The following TANGO6 variants were observed in gnomAD, a reference collection of about 807,000 sequenced individuals.
TANGO6 encodes transport and golgi organization 6 homolog.
TANGO6 carries 90 observed loss-of-function variants against 114.2 expected under a neutral mutation model. That is an observed-to-expected ratio of 0.79 (90% confidence interval 0.66 to 0.94). The LOEUF (loss-of-function observed/expected upper bound fraction) is 0.94. TANGO6 is among the 40% of genes least tolerant of loss of function. TANGO6 has a pLI of 0.00. For synonymous variants in TANGO6, 477 were observed against 509.8 expected, an observed-to-expected ratio of 0.94 and a Z score of 0.87; for missense variants, 1,274 against 1,315.3, an observed-to-expected ratio of 0.97 and a Z score of 0.49.
rs193177402 is a variant in TANGO6 at position 69,041,304 on chromosome 16, G to T, written c.3108+883G>T. 2.5e-4 allele frequency among the ~76,000 whole-genome samples: 38 copies of T among 152,212 alleles called. 1 individual carries two copies. Among genetic ancestry groups the T allele is most frequent in the Non-Finnish European group, 4.4e-5 (3 of 68,026 alleles). On this transcript the variant is annotated intron_variant, in intron 17 of 17. Transcript: ENST00000261778. Reference sequence around the variant, plus strand: ...TCTACTAAAAATACAAAATTAGCCAGGTGTGGTGGCGCATGCCTGTAATCC... The same window carrying T: ...TCTACTAAAAATACAAAATTAGCCATGTGTGGTGGCGCATGCCTGTAATCC...
chr16:68,848,298 T>C (rs923958417), intron 1 of TANGO6, among the ~76,000 whole-genome samples: 1 of 152,124 alleles, frequency 6.6e-6, no homozygotes, highest in Non-Finnish European at 1.5e-5. Context: ...AAAATAGAAG[T>C]AATGTTTTTA....
At chr16:68,912,210 C>T (rs534073229) in intron 11 of TANGO6, among the ~76,000 whole-genome samples, 80 of 152,280 alleles carry the variant, frequency 5.3e-4, no homozygotes, top group Non-Finnish European at 9.1e-4. Flanking sequence ...TAGAAAATTA[C>T]GTCTTGGCAG....
At chr16:69,079,891 A>C (rs1013718038) in intron 17 of TANGO6, among the ~76,000 whole-genome samples, 1 of 152,192 alleles carries the variant, frequency 6.6e-6, no homozygotes, top group African/African-American at 2.4e-5. Flanking sequence ...TGTCCTACAG[A>C]TATACTTGTA....
intron 15 of TANGO6, among the ~76,000 whole-genome samples, chr16:69,004,188 C>A (rs1414407062): frequency 6.6e-6 from 1 of 151,466 alleles, no homozygotes; most frequent in Non-Finnish European, 1.5e-5. Flanking sequence ...AATTTGTTAC[C>A]CTGTAAACAA....
intron 16 of TANGO6, among the ~76,000 whole-genome samples, chr16:69,028,411 C>T (rs1427608437): frequency 6.6e-6 from 1 of 152,046 alleles, no homozygotes; most frequent in African/African-American, 2.4e-5. Context: ...AGGCAGATCA[C>T]CTGAGGTCGG....
chr16:68,945,309 G>T (rs1187483317), intron 14 of TANGO6, among the ~76,000 whole-genome samples: 1 of 152,150 alleles, frequency 6.6e-6, no homozygotes, highest in Non-Finnish European at 1.5e-5. Flanking sequence ...GTTGCAGCAA[G>T]TTTGTTTCAG....
At chr16:69,061,247 G>A (rs549089077) in intron 17 of TANGO6, among the ~76,000 whole-genome samples, 1 of 152,138 alleles carries the variant, frequency 6.6e-6, no homozygotes, top group South Asian at 2.1e-4. Flanking sequence ...ACTGATGTTC[G>A]GCTAGAATCA....
intron 17 of TANGO6, among the ~76,000 whole-genome samples, chr16:69,043,668 G>C (rs1349080929): frequency 6.6e-6 from 1 of 152,122 alleles, no homozygotes; most frequent in Non-Finnish European, 1.5e-5. Context: ...TATAATCAGG[G>C]GCACTTTAAT....
chr16:68,848,032 TCTTACA>T (rs1207212598), intron 1 of TANGO6, among the ~76,000 whole-genome samples: 2 of 151,832 alleles, frequency 1.3e-5, no homozygotes, highest in Non-Finnish European at 2.9e-5. Context: ...ATTGCAAATT[TCTTACA>T]CTTCTGTTCT....
chr16:69,054,940 CAAAAAAAAAAAA>C, intron 17 of TANGO6, among the ~76,000 whole-genome samples: 1 of 68,904 alleles, frequency 1.5e-5, no homozygotes, highest in African/African-American at 6.0e-5. Context: ...GACTCCGTCT[CAAAAAAAAAAAA>C]AAAAAAAAAA....
At chr16:68,874,973 TAAG>T (rs1962332183) in intron 4 of TANGO6, among the ~76,000 whole-genome samples, 178 bp from the exon 5 acceptor site, 1 of 151,544 alleles carries the variant, frequency 6.6e-6, no homozygotes, top group South Asian at 2.1e-4. Context: ...AATAAATAAA[TAAG>T]AAATAAAAAA....
chr16:68,907,331 T>C, intron 9 of TANGO6, 112 bp from the exon 10 acceptor site: 1 of 1,171,648 alleles, frequency 8.5e-7, no homozygotes, highest in Admixed American at 2.8e-5. Flanking sequence ...GGGGATCTTT[T>C]TAATGGTTAA....
At chr16:68,867,487 A>C in intron 4 of TANGO6, 1 of 337,686 alleles carries the variant, frequency 3.0e-6, no homozygotes, top group Non-Finnish European at 5.4e-6. Flanking sequence ...AATTTATACT[A>C]TCTGGGGAAA....
intron 4 of TANGO6, chr16:68,867,561 C>T (rs534917148): frequency 9.3e-4 from 185 of 199,866 alleles, no homozygotes; most frequent in African/African-American, 1.9e-3. Flanking sequence ...AGGTGTGGGC[C>T]GGGCGCGGTG....
intron 7 of TANGO6, among the ~76,000 whole-genome samples, chr16:68,882,809 T>C (rs943117318): frequency 1.3e-5 from 2 of 151,634 alleles, no homozygotes; most frequent in African/African-American, 4.8e-5. Context: ...ATGAGGTCAG[T>C]AGATCAAGAC....
At chr16:69,074,838 GTA>G (rs1555530704) in intron 17 of TANGO6, among the ~76,000 whole-genome samples, 246 of 140,184 alleles carry the variant, frequency 1.8e-3, no homozygotes, top group African/African-American at 5.4e-3. Flanking sequence ...GTGTGTGTGT[GTA>G]TAATTATTAT....
intron 11 of TANGO6, among the ~76,000 whole-genome samples, chr16:68,912,926 A>G (rs1962943944): frequency 6.6e-6 from 1 of 151,670 alleles, no homozygotes; most frequent in Non-Finnish European, 1.5e-5. Flanking sequence ...AAAAAAAAAA[A>G]AAAATTAGCA....
At chr16:68,925,085 C>A (rs759315867) in intron 12 of TANGO6, among the ~76,000 whole-genome samples, 7 of 151,640 alleles carry the variant, frequency 4.6e-5, no homozygotes, top group Non-Finnish European at 7.4e-5. Flanking sequence ...CTGAGGTGGG[C>A]GGATCACATG....
At position 68,902,412 on chromosome 16, in the gene TANGO6, G is replaced by A. The variant is rs370222977; in HGVS notation, c.1575G>A (p.Gly525=). The A allele has an allele frequency of 1.9e-6, 3 of 1,613,774 alleles. No individual in the cohort carries two copies. In the African/African-American group the frequency reaches 4.0e-5, roughly 22 times the overall value. Residue 525 remains glycine, a synonymous_variant, in exon 9 of 18, where the codon GGG becomes GGA. Transcript: ENST00000261778. ...TTGCCAGCCTGAAAGGATTTGCAGGGTTGGACAAAGCTGTGCCCTCTCTCC... is the reference window on the plus strand; with the variant it reads ...TTGCCAGCCTGAAAGGATTTGCAGGATTGGACAAAGCTGTGCCCTCTCTCC... ...KAIASLKGFA[G]LDKAVPSLHS...
Sources: allele counts gnomAD v4.1 joint callset (sites outside exome capture counted in the v4.1 genomes callset), GRCh38; gene constraint gnomAD v4.1.1; transcripts MANE v1.5; gene names NCBI Gene and HGNC (gene_info 2026-07-23, HGNC 2026-07-21).